SNX29: variants seen among roughly 807,000 people sequenced by gnomAD.
SNX29 encodes sorting nexin 29, also known as sorting nexin-29.
In SNX29, 78 loss-of-function variants were observed where a neutral mutation model predicts 102.1. The observed-to-expected ratio is 0.76, with a 90% confidence interval of 0.64 to 0.92. The LOEUF (loss-of-function observed/expected upper bound fraction) is 0.92. Among genes scored for constraint, SNX29 ranks in the 40% least tolerant of loss-of-function variants. SNX29 has a pLI of 0.00. For missense variants in SNX29, 1,280 were observed against 1,061.7 expected, an observed-to-expected ratio of 1.21 and a Z score of -2.86; for synonymous variants, 580 against 414.5, an observed-to-expected ratio of 1.40 and a Z score of -4.85.
chr16:12,118,313 C>G (rs1374918862), intron 11 of SNX29, among the ~76,000 whole-genome samples: 1 of 86,114 alleles, frequency 1.2e-5, no homozygotes, highest in Non-Finnish European at 2.0e-5. Flanking sequence ...TACAGACCAC[C>G]TTTTTTTTTT....
In SNX29 at chr16:12,125,078, G is replaced by A. The variant is rs532612512; in HGVS notation, c.1403-1555G>A. 1.2e-4 allele frequency among the ~76,000 whole-genome samples: 18 copies of A among 152,248 alleles called. No homozygotes were observed. In the East Asian group the frequency reaches 3.5e-3, roughly 29 times the overall value. ...TTCGGGAGCTCCTCTGCTCGTGTGTGTCACTCGTACTTGGCGAAGTATAAT... is the reference window on the plus strand; with the variant it reads ...TTCGGGAGCTCCTCTGCTCGTGTGTATCACTCGTACTTGGCGAAGTATAAT... On this transcript the variant is annotated intron_variant, in intron 11 of 20. Transcript: ENST00000566228.
chr16:12,037,038 C>G (rs186074200), intron 4 of SNX29, among the ~76,000 whole-genome samples: 1 of 152,038 alleles, frequency 6.6e-6, no homozygotes, highest in Admixed American at 6.6e-5. Flanking sequence ...GGTGGGGTCT[C>G]GCTACATTAT....
chr16:12,424,194 C>T (rs1345268122), intron 18 of SNX29, among the ~76,000 whole-genome samples: 2 of 152,220 alleles, frequency 1.3e-5, no homozygotes, highest in East Asian at 1.9e-4. Context: ...TTTCTCTTGT[C>T]GATCTCTATC....
chr16:12,433,695 G>A (rs191218625), intron 18 of SNX29, among the ~76,000 whole-genome samples: 19 of 150,834 alleles, frequency 1.3e-4, no homozygotes, highest in Admixed American at 2.6e-4. Flanking sequence ...ATGGTGGTGC[G>A]TGCCTGTAAT....
intron 10 of SNX29, among the ~76,000 whole-genome samples, chr16:12,076,243 G>A (rs995284344): frequency 1.4e-4 from 22 of 151,878 alleles, no homozygotes; most frequent in African/African-American, 4.8e-4. Flanking sequence ...CATCTTCTGC[G>A]TCACTCACGC....
chr16:12,112,045 C>T (rs2053522289), intron 11 of SNX29, among the ~76,000 whole-genome samples: 1 of 152,192 alleles, frequency 6.6e-6, no homozygotes, highest in Admixed American at 6.5e-5. Context: ...AGGTTGTGCG[C>T]AGAGGTTGCA....
intron 16 of SNX29, among the ~76,000 whole-genome samples, chr16:12,383,718 G>A (rs565054247): frequency 6.7e-4 from 100 of 149,408 alleles, no homozygotes; most frequent in African/African-American, 2.4e-3. Flanking sequence ...TTACAGGCGT[G>A]AGCCAGCACG....
intron 20 of SNX29, among the ~76,000 whole-genome samples, chr16:12,540,042 CTT>C (rs562975889): frequency 1.3e-5 from 2 of 152,128 alleles, no homozygotes; most frequent in African/African-American, 4.8e-5. Flanking sequence ...ATGAAATTTA[CTT>C]TTTGTGTCCC....
chr16:12,079,070 A>G (rs2051733615), intron 11 of SNX29, among the ~76,000 whole-genome samples, 155 bp downstream of exon 11: 5 of 152,172 alleles, frequency 3.3e-5, no homozygotes. Flanking sequence ...GTGCTTGTGG[A>G]TATCCAGAAC....
At chr16:12,026,358 C>A (rs2057190976) in intron 3 of SNX29, among the ~76,000 whole-genome samples, 1 of 152,234 alleles carries the variant, frequency 6.6e-6, no homozygotes, top group Non-Finnish European at 1.5e-5. Flanking sequence ...GAAACATGCA[C>A]ATGAGTGAGG....
Position 12,572,526 on chromosome 16 carries a change from C to T in SNX29, c.*3897C>T. On this transcript the variant is annotated 3_prime_UTR_variant, in exon 21 of 21. Coordinates refer to ENST00000566228, the MANE Select transcript of SNX29 (RefSeq NM_032167.5). ...CCTTCCTGCTCCACGTGCTCAAGCC[C>T]CCACAGGGGGCTGCGACACCATCTG... 1.9e-6 allele frequency: 2 copies of T among 1,064,126 alleles called. No homozygotes were observed. The highest frequency in any genetic ancestry group is 4.6e-5 in the South Asian group (1 of 21,966). 65.9% of individuals were successfully genotyped at this position (1,064,126 alleles called of 1,614,324 possible). A position where few individuals can be genotyped will look rare whatever the true frequency, so the allele number is the denominator to read the frequency against.
rs1352611087 is a variant in SNX29 at position 12,061,637 on chromosome 16, A to G, written c.1234A>G (p.Ser412Gly). 6 of 1,610,828 alleles carry G rather than the reference A, an allele frequency of 3.7e-6. No homozygotes were observed. In the Admixed American group the frequency reaches 8.4e-5, roughly 23 times the overall value. ...CCCTGTCAGTGGCGTGGGCTCCTAC[A>G]GCCCAGCAGGTGGGTGTCTCCCGAT... Reference protein sequence around the residue: ...LFPVSGVGSYSPADAPLGSLE... With the variant: ...LFPVSGVGSYGPADAPLGSLE... Residue 412 changes from serine (S) to glycine (G), a missense_variant, in exon 9 of 21, where the codon AGC (serine) becomes GGC (glycine). By Grantham distance (56) the Ser-to-Gly change is moderately conservative (BLOSUM62 0). Transcript: ENST00000566228.
intron 13 of SNX29, among the ~76,000 whole-genome samples, chr16:12,166,688 C>A (rs1314138282): frequency 6.6e-6 from 1 of 152,146 alleles, no homozygotes; most frequent in Non-Finnish European, 1.5e-5. Context: ...GTGTACCCAC[C>A]CTCCTTTAGA....
chr16:12,541,241 G>A (rs189100081), intron 20 of SNX29, among the ~76,000 whole-genome samples: 2 of 152,262 alleles, frequency 1.3e-5, no homozygotes, highest in East Asian at 1.9e-4. Flanking sequence ...ATGGAACCAT[G>A]TATCATATCT....
chr16:12,472,231 CA>C (rs796216492), intron 18 of SNX29, among the ~76,000 whole-genome samples: 116 of 112,772 alleles, frequency 1.0e-3, no homozygotes, highest in African/African-American at 3.8e-3. Context: ...AGTTCAAAAA[CA>C]GGGGAAGGCT....
chr16:12,278,136 C>T (rs543387788), intron 15 of SNX29, 100 bp downstream of exon 15: 32 of 998,968 alleles, frequency 3.2e-5, no homozygotes, highest in Admixed American at 4.3e-5. Flanking sequence ...GTGAGCAAAA[C>T]GACCAAGCAA....
chr16:12,468,169 CTTTTTTTTTTTTT>C (rs59089512), intron 18 of SNX29, among the ~76,000 whole-genome samples: 3 of 92,662 alleles, frequency 3.2e-5, no homozygotes, highest in African/African-American at 4.5e-5. Flanking sequence ...ACTCTGACTC[CTTTTTTTTTTTTT>C]TTTTTTTTTT....
intron 20 of SNX29, among the ~76,000 whole-genome samples, chr16:12,566,409 C>T (rs1288915631): frequency 1.1e-5 from 1 of 91,894 alleles, no homozygotes; most frequent in Non-Finnish European, 2.2e-5. Context: ...CTCTCAGAGC[C>T]TGTTACCTCC....
At chr16:12,214,512 T>G (rs1458522493) in intron 14 of SNX29, among the ~76,000 whole-genome samples, 1 of 152,198 alleles carries the variant, frequency 6.6e-6, no homozygotes, top group Non-Finnish European at 1.5e-5. Flanking sequence ...ACTGGTCATT[T>G]TGTTTTGCTC....
Sources: gnomAD v4.1 joint callset for allele counts (sites outside exome capture counted in the v4.1 genomes callset) on GRCh38, gnomAD v4.1.1 for gene constraint, MANE v1.5 for transcripts, NCBI Gene and HGNC (gene_info 2026-07-23, HGNC 2026-07-21) for gene names.